OR9Q1: variants seen among roughly 807,000 people sequenced by gnomAD.
The protein encoded by OR9Q1 is olfactory receptor family 9 subfamily Q member 1, also known as olfactory receptor 9Q1.
For synonymous variants in OR9Q1, 153 were observed against 148.6 expected, an observed-to-expected ratio of 1.03 and a Z score of -0.22; for missense variants, 374 against 378.8, an observed-to-expected ratio of 0.99 and a Z score of 0.11.
At chr11:58,054,359 C>T (rs773931124) in intron 1 of OR9Q1, among the ~76,000 whole-genome samples, 36 of 152,298 alleles carry the variant, frequency 2.4e-4, no homozygotes, top group Admixed American at 2.0e-4. Flanking sequence ...TCCTACCCGC[C>T]TTTCCAACCT....
chr11:58,099,749 A>G (rs552846206), intron 2 of OR9Q1, among the ~76,000 whole-genome samples: 22 of 152,006 alleles, frequency 1.4e-4, no homozygotes, highest in Admixed American at 3.9e-4. Flanking sequence ...TTATCTGGGA[A>G]TTTCCTTTCT....
At chr11:58,163,805 T>C (rs1459047960) in intron 2 of OR9Q1, among the ~76,000 whole-genome samples, 1 of 152,166 alleles carries the variant, frequency 6.6e-6, no homozygotes, top group Non-Finnish European at 1.5e-5. Flanking sequence ...GAGCCTGTGA[T>C]TCATGACATT....
intron 2 of OR9Q1, among the ~76,000 whole-genome samples, chr11:58,165,378 TC>T (rs938046667): frequency 3.3e-5 from 5 of 152,228 alleles, no homozygotes; most frequent in African/African-American, 1.2e-4. Flanking sequence ...GCTTCATGAC[TC>T]CTTGATCCCT....
At chr11:58,025,025 T>G (rs748423288) in intron 1 of OR9Q1, among the ~76,000 whole-genome samples, 18 of 152,208 alleles carry the variant, frequency 1.2e-4, no homozygotes, top group Non-Finnish European at 2.4e-4. Flanking sequence ...TTACTGTCTC[T>G]CTGAGCCTTC....
At chr11:58,036,618 T>C (rs1374879015) in intron 1 of OR9Q1, among the ~76,000 whole-genome samples, 1 of 152,192 alleles carries the variant, frequency 6.6e-6, no homozygotes, top group Non-Finnish European at 1.5e-5. Flanking sequence ...GAGGTCAAAA[T>C]ATCAACATGA....
chr11:58,060,546 G>A (rs957184785), intron 2 of OR9Q1, among the ~76,000 whole-genome samples: 2 of 152,130 alleles, frequency 1.3e-5, no homozygotes, highest in African/African-American at 4.8e-5. Context: ...TTTCTGGTGG[G>A]CAGACCTAGT....
At chr11:58,035,897 C>T (rs1054351047) in intron 1 of OR9Q1, among the ~76,000 whole-genome samples, 3 of 150,624 alleles carry the variant, frequency 2.0e-5, no homozygotes, top group African/African-American at 7.3e-5. Context: ...AGTATATGAA[C>T]ATACTTTATT....
At chr11:58,125,953 A>G (rs919143487) in intron 2 of OR9Q1, among the ~76,000 whole-genome samples, 9 of 152,168 alleles carry the variant, frequency 5.9e-5, no homozygotes, top group Admixed American at 5.9e-4. Flanking sequence ...TCTCTTTACA[A>G]CACACTCATC....
chr11:58,135,434 C>A (rs1218884478), intron 2 of OR9Q1, among the ~76,000 whole-genome samples: 1 of 152,092 alleles, frequency 6.6e-6, no homozygotes, highest in African/African-American at 2.4e-5. Context: ...ATTCTGAGTC[C>A]ACTGAAGTCC....
chr11:58,087,630 G>T (rs932390818), intron 2 of OR9Q1, among the ~76,000 whole-genome samples: 2 of 151,846 alleles, frequency 1.3e-5, no homozygotes, highest in Non-Finnish European at 2.9e-5. Flanking sequence ...TATGTGCCAT[G>T]GTGGTTTGCT....
intron 2 of OR9Q1, among the ~76,000 whole-genome samples, chr11:58,142,614 T>A (rs186456726): frequency 2.6e-5 from 4 of 152,324 alleles, no homozygotes; most frequent in South Asian, 2.1e-4. Context: ...TAAAGTCCTA[T>A]GAGATCTTTT....
At chr11:58,145,094 T>C (rs1300730490) in intron 2 of OR9Q1, 1 of 153,356 alleles carries the variant, frequency 6.5e-6, no homozygotes, top group Non-Finnish European at 1.5e-5. Flanking sequence ...TCAGCTTTTC[T>C]GGTCATCACA....
chr11:58,032,372 A>G (rs944947978), intron 1 of OR9Q1, among the ~76,000 whole-genome samples: 1 of 152,232 alleles, frequency 6.6e-6, no homozygotes, highest in Non-Finnish European at 1.5e-5. Context: ...AAACTATACT[A>G]TAAGGCTACA....
chr11:58,111,131 T>C (rs1853895468), intron 2 of OR9Q1, among the ~76,000 whole-genome samples: 1 of 152,136 alleles, frequency 6.6e-6, no homozygotes, highest in African/African-American at 2.4e-5. Flanking sequence ...ACTCCACTAA[T>C]GTGTGGAAAT....
chr11:58,107,841 C>T (rs993032267), intron 2 of OR9Q1, among the ~76,000 whole-genome samples: 2 of 152,140 alleles, frequency 1.3e-5, no homozygotes, highest in Non-Finnish European at 2.9e-5. Context: ...AGCATTATGA[C>T]CCTGTCCTCA....
intron 2 of OR9Q1, among the ~76,000 whole-genome samples, chr11:58,158,391 A>G (rs1161177378): frequency 1.3e-5 from 2 of 148,286 alleles, no homozygotes; most frequent in African/African-American, 5.0e-5. Flanking sequence ...GGTCTGGGTC[A>G]TGTGATATAA....
chr11:58,096,703 CT>C (rs371701829), intron 2 of OR9Q1, among the ~76,000 whole-genome samples: 19,361 of 108,600 alleles, frequency 0.18, 1,171 homozygotes, highest in Non-Finnish European at 0.2. Context: ...GAGACAGTCT[CT>C]TTTTTTTTTT....
At chr11:58,030,113 A>T (rs1379013014) in intron 1 of OR9Q1, among the ~76,000 whole-genome samples, 4 of 152,126 alleles carry the variant, frequency 2.6e-5, no homozygotes, top group Admixed American at 1.3e-4. Context: ...AAGTGCTGGG[A>T]TTACACATAT....
intron 2 of OR9Q1, among the ~76,000 whole-genome samples, chr11:58,104,743 A>G (rs1853823938): frequency 6.6e-6 from 1 of 152,110 alleles, no homozygotes; most frequent in Non-Finnish European, 1.5e-5. Context: ...GTAAATGTTC[A>G]TGTGTGAATT....
Sources: gnomAD v4.1 joint callset for allele counts (sites outside exome capture counted in the v4.1 genomes callset) on GRCh38, gnomAD v4.1.1 for gene constraint, MANE v1.5 for transcripts, NCBI Gene and HGNC (gene_info 2026-07-23, HGNC 2026-07-21) for gene names.